RNF25: variants seen among roughly 807,000 people sequenced by gnomAD.
RNF25 encodes the protein ring finger protein 25, also known as E3 ubiquitin-protein ligase RNF25.
In RNF25, 32 loss-of-function variants were observed where a neutral mutation model predicts 65.0. The ratio of observed to expected loss-of-function variants is 0.49; its 90% CI spans 0.37 to 0.66. RNF25 has a LOEUF of 0.66. Among genes scored for constraint, RNF25 ranks in the 30% least tolerant of loss-of-function variants. The pLI is 0.00. For synonymous variants in RNF25, 207 were observed against 221.2 expected (o/e 0.94, Z 0.57); for missense variants, 493 against 584.8 (o/e 0.84, Z 1.62).
rs148799226 is a variant in RNF25, at chr2:218,664,405, G to A, written c.932C>T (p.Ala311Val). Residue 311 changes from alanine to valine, a missense_variant, in exon 10 of 10, where the codon GCG becomes GTG. Ala to Val is a moderately conservative substitution (Grantham distance 64). Around this residue, in one of 3 missense-constraint regions of RNF25, gnomAD observed 351 missense variants for 400.2 expected, o/e 0.88. Coordinates refer to ENST00000295704, the MANE Select transcript of RNF25 (RefSeq NM_022453.3). The surrounding 1 kb of genome is among the most constrained non-coding windows in gnomAD (Gnocchi z 5.1). Reference protein sequence around the residue: ...QSTLPPPLPVATQHICEKIPG... With the variant: ...QSTLPPPLPVVTQHICEKIPG... Reference sequence around the variant, plus strand: ...AATCTTCTCACATATGTGCTGGGTCGCCACAGGCAGAGGAGGTGGCAAAGT... The same window carrying A: ...AATCTTCTCACATATGTGCTGGGTCACCACAGGCAGAGGAGGTGGCAAAGT... 1.2e-5 allele frequency: 19 copies of A among 1,614,136 alleles called. No homozygotes were observed. The highest frequency in any genetic ancestry group is 8.8e-5 in the South Asian group (8 of 91,078).
At chr2:218,668,571 G>A (rs757904467) in intron 2 of RNF25, 34 bp downstream of exon 2, 3 of 1,466,658 alleles carry the variant, frequency 2.0e-6, no homozygotes, top group Non-Finnish European at 1.9e-6. Context: ...TCATTACTAG[G>A]GGGACTCCTG....
chr2:218,668,392 G>T, intron 2 of RNF25, 51 bp from the exon 3 acceptor site: 1 of 1,278,968 alleles, frequency 7.8e-7, no homozygotes, highest in Non-Finnish European at 1.1e-6. Context: ...GGGGCTTGGG[G>T]GCTGGGGAGG....
At chr2:218,670,621 G>A (rs1202640062) in intron 1 of RNF25, among the ~76,000 whole-genome samples, 7 of 148,982 alleles carry the variant, frequency 4.7e-5, no homozygotes, top group South Asian at 2.2e-4. Context: ...GCATGAACCC[G>A]GGAGGCGGAG....
At chr2:218,670,467 G>A (rs1286288538) in intron 1 of RNF25, among the ~76,000 whole-genome samples, 6 of 151,922 alleles carry the variant, frequency 3.9e-5, no homozygotes, top group African/African-American at 9.6e-5. Context: ...AGGCTGAGGC[G>A]GGTGGATCAT....
At position 218,664,456 on chromosome 2, in the gene RNF25, A is replaced by G; in HGVS notation, c.881T>C (p.Leu294Pro). 6.2e-7 allele frequency: 1 copy of G among 1,614,154 alleles called. No individual in the cohort carries two copies. The highest frequency in any genetic ancestry group is 8.5e-7 in the Non-Finnish European group (1 of 1,180,026). The change falls in exon 10 of 10, where the codon CTA becomes CCA. Residue 294 changes from leucine (L) to proline (P), a missense_variant. Transcript: ENST00000295704. This position sits in a 1 kb window ranked among gnomAD's most constrained non-coding sequence, Gnocchi z 5.1. ...GGATTGGACGGCTGGTGAGGTGGAT[A>G]GTTCTGCTGCAAGGGTGCTGGGTGG... ...SQPPSTLAAE[L>P]STSPAVQSTL...
chr2:218,667,039 A>G (rs1190334567), intron 5 of RNF25, among the ~76,000 whole-genome samples: 2 of 151,908 alleles, frequency 1.3e-5, no homozygotes, highest in African/African-American at 4.8e-5. Context: ...GTGGTGGCAC[A>G]TGCCTGTGAT....
In RNF25 at chr2:218,671,921, C is replaced by G. The variant is rs1939992441; in HGVS notation, c.41+9G>C. On this transcript the variant is annotated intron_variant, in intron 1 of 9. Transcript: ENST00000295704. ...GGCTGTCAGCCAAAGCCCATGCCCCCAAAGTTACCAGTCCTCCTCCCCTGC... is the reference window on the plus strand; with the variant it reads ...GGCTGTCAGCCAAAGCCCATGCCCCGAAAGTTACCAGTCCTCCTCCCCTGC... 1.2e-6 allele frequency: 2 copies of G among 1,614,238 alleles called. No individual in the cohort carries two copies. The highest frequency in any genetic ancestry group is 1.7e-6 in the Non-Finnish European group (2 of 1,180,034).
intron 3 of RNF25, 38 bp downstream of exon 3, chr2:218,668,201 C>T (rs1939878841): frequency 2.5e-6 from 4 of 1,611,462 alleles, no homozygotes; most frequent in African/African-American, 2.7e-5. Context: ...AGGGACTCTC[C>T]CCTTCCTCCC....
chr2:218,670,872 C>G (rs1939946134), intron 1 of RNF25, among the ~76,000 whole-genome samples: 1 of 151,844 alleles, frequency 6.6e-6, no homozygotes, highest in African/African-American at 2.4e-5. Context: ...GCCTGCACCT[C>G]AGTTATTAAT....
chr2:218,664,321 G>C lies in RNF25; in HGVS notation c.1016C>G (p.Pro339Arg). 4 of 1,614,014 alleles carry C rather than the reference G, an allele frequency of 2.5e-6. No individual in the cohort carries two copies. Among genetic ancestry groups the C allele is most frequent in the Non-Finnish European group, 2.5e-6 (3 of 1,179,904 alleles). Residue 339 changes from proline to arginine, a missense_variant, in exon 10 of 10, where the codon CCC becomes CGC. This residue lies in a region of RNF25 where 351 missense variants were observed against 400.2 expected (regional missense o/e 0.88). Transcript: ENST00000295704. The surrounding 1 kb of genome is among the most constrained non-coding windows in gnomAD (Gnocchi z 5.1). ...LGETQKAMLD[P>R]PKPSRGPWRQ... ...CCAGGGACCTCGACTGGGCTTGGGG[G>C]GATCTAGCATAGCTTTCTGGGTTTC...
At chr2:218,665,524 C>G (rs557629504) in intron 7 of RNF25, among the ~76,000 whole-genome samples, 30 of 152,086 alleles carry the variant, frequency 2.0e-4, no homozygotes, top group African/African-American at 6.7e-4. Context: ...GGCGGGATCA[C>G]TTGAGGTCAT....
intron 7 of RNF25, 112 bp from the exon 8 acceptor site, chr2:218,665,359 CGGTTCAGCAGTGAGTTGGGACAGAGCACG>C (rs1939799779): frequency 1.1e-6 from 1 of 874,962 alleles, no homozygotes; most frequent in Admixed American, 2.6e-5. Flanking sequence ...ACAGGGACAC[CGGTTCAGCAGTGAGTTGGGACAGAGCACG>C]GGTTGTCTAA....
chr2:218,669,556 G>A, intron 1 of RNF25, among the ~76,000 whole-genome samples: 1 of 152,154 alleles, frequency 6.6e-6, no homozygotes. Context: ...AGCCTGTTGA[G>A]GTTAGGATCC....
chr2:218,670,513 G>C (rs1451016344), intron 1 of RNF25, among the ~76,000 whole-genome samples: 1 of 151,802 alleles, frequency 6.6e-6, no homozygotes, highest in Non-Finnish European at 1.5e-5. Flanking sequence ...GGCTAACAGG[G>C]TGAAACCCCG....
rs760675037 is a variant in RNF25, at chr2:218,668,657, C to G, written c.64G>C (p.Val22Leu). The G allele has an allele frequency of 6.2e-7, 1 of 1,610,848 alleles. No homozygotes were observed. The highest frequency in any genetic ancestry group is 8.5e-7 in the Non-Finnish European group (1 of 1,177,240). The change falls in exon 2 of 10, where the codon GTA becomes CTA. Residue 22 changes from valine (V) to leucine (L), a missense_variant. By Grantham distance (32) the Val-to-Leu change is conservative (BLOSUM62 1). Around this residue, in one of 3 missense-constraint regions of RNF25, gnomAD observed 108 missense variants for 166.0 expected, o/e 0.65. Coordinates refer to ENST00000295704, the MANE Select transcript of RNF25 (RefSeq NM_022453.3). ...EDWVLPSEVE[V>L]LESIYLDELQ... The stretch of plus-strand genomic sequence containing the variant: ...TCATCTAGATAGATGGACTCCAATA[C>G]TTCAACTTCAGAGGGAAGGACCCTA...
At position 218,671,984 on chromosome 2, in the gene RNF25, C is replaced by G; in HGVS notation, c.-14G>C. ...AGACGCCGCCATATCTTCACCGGCC[C>G]GCAGCCGGAACCGGAAATGCCCTTA... is the stretch of plus-strand genomic sequence containing the variant. On this transcript the variant is annotated 5_prime_UTR_variant, in exon 1 of 10. Transcript: ENST00000295704. 1 of 1,614,210 alleles carries G rather than the reference C, an allele frequency of 6.2e-7. No individual in the cohort carries two copies. Among genetic ancestry groups the G allele is most frequent in the Non-Finnish European group, 8.5e-7 (1 of 1,180,040 alleles).
Position 218,664,252 on chromosome 2 carries a change from G to A in RNF25, c.1085C>T (p.Ala362Val), listed in dbSNP as rs201905479. The change falls in exon 10 of 10, where the codon GCC becomes GTC. Residue 362 changes from alanine (A) to valine (V), a missense_variant. Around this residue, in one of 3 missense-constraint regions of RNF25, gnomAD observed 351 missense variants for 400.2 expected, o/e 0.88. Coordinates refer to ENST00000295704, the MANE Select transcript of RNF25 (RefSeq NM_022453.3). The surrounding 1 kb of genome is among the most constrained non-coding windows in gnomAD (Gnocchi z 5.1). ...CTGGGTGTCACGGGTACCTTTAGGG[G>A]CGTGGCACTCCCCTCCCTTTGGGTG... ...RRHPKGGECH[A>V]PKGTRDTQEL... 1.0e-5 allele frequency: 16 copies of A among 1,604,488 alleles called. No homozygotes were observed. Among genetic ancestry groups the A allele is most frequent in the Middle Eastern group, 1.7e-4 (1 of 6,026 alleles).
At chr2:218,666,306 G>C in intron 5 of RNF25, 76 bp from the exon 6 acceptor site, 2 of 1,249,728 alleles carry the variant, frequency 1.6e-6, no homozygotes, top group Non-Finnish European at 2.3e-6. Context: ...ACTCCTAGGA[G>C]TGACTGGCTA....
chr2:218,666,280 G>A (rs769224176), intron 5 of RNF25, 50 bp from the exon 6 acceptor site: 7 of 1,459,992 alleles, frequency 4.8e-6, no homozygotes, highest in Middle Eastern at 3.5e-4. Flanking sequence ...AGAACGGTGA[G>A]CAAGGCCTGT....
Sources: allele counts gnomAD v4.1 joint callset (sites outside exome capture counted in the v4.1 genomes callset), GRCh38; gene constraint gnomAD v4.1.1; regional missense constraint gnomAD v4.1.1; non-coding constraint Gnocchi (gnomAD v3.1); transcripts MANE v1.5; gene names NCBI Gene and HGNC (gene_info 2026-07-23, HGNC 2026-07-21).